The following CDK14 variants were observed in gnomAD, a reference collection of about 807,000 sequenced individuals.
CDK14 encodes the protein cyclin-dependent kinase 14.
Under a neutral mutation model 60.7 loss-of-function variants are expected in CDK14, and 34 were observed. The observed-to-expected ratio is 0.56, with a 90% confidence interval of 0.43 to 0.75. The LOEUF (loss-of-function observed/expected upper bound fraction) is 0.75. Ranked by LOEUF, CDK14 falls within the 30% of genes least tolerant of loss-of-function variation. CDK14 has a pLI of 0.00. For synonymous variants in CDK14, 197 were observed against 203.7 expected (o/e 0.97, Z 0.28); for missense variants, 482 against 564.1 (o/e 0.85, Z 1.47).
At chr7:90,818,447 CA>C (rs1037266610) in intron 5 of CDK14, among the ~76,000 whole-genome samples, 43 of 152,268 alleles carry the variant, frequency 2.8e-4, no homozygotes, top group African/African-American at 1.0e-3. Context: ...TTTTCAAATG[CA>C]TGCTTAAATG....
intron 2 of CDK14, among the ~76,000 whole-genome samples, chr7:90,698,633 C>T (rs1254616730): frequency 6.6e-6 from 1 of 152,144 alleles, no homozygotes; most frequent in Non-Finnish European, 1.5e-5. Flanking sequence ...TGATTGGCAT[C>T]AATTATCTTA....
At chr7:90,937,976 C>CTA (rs1276559620) in intron 8 of CDK14, among the ~76,000 whole-genome samples, 2 of 152,074 alleles carry the variant, frequency 1.3e-5, no homozygotes, top group African/African-American at 4.8e-5. Context: ...CTCTAAAAAC[C>CTA]TACAAAGCGT....
intron 8 of CDK14, among the ~76,000 whole-genome samples, chr7:90,920,583 T>G (rs1793217261): frequency 6.6e-6 from 1 of 152,224 alleles, no homozygotes; most frequent in Non-Finnish European, 1.5e-5. Flanking sequence ...ATTCAGATGC[T>G]TGATTCATAT....
intron 14 of CDK14, among the ~76,000 whole-genome samples, chr7:91,129,053 A>G (rs1800040669): frequency 6.6e-6 from 1 of 152,222 alleles, no homozygotes; most frequent in Non-Finnish European, 1.5e-5. Context: ...TAAAGAAAAG[A>G]AATGATAGTT....
At chr7:90,739,910 G>A (rs1211672904) in intron 3 of CDK14, among the ~76,000 whole-genome samples, 2 of 152,106 alleles carry the variant, frequency 1.3e-5, no homozygotes, top group Non-Finnish European at 2.9e-5. Context: ...TTCACAAGCT[G>A]TTTCCTGGTG....
intron 9 of CDK14, among the ~76,000 whole-genome samples, chr7:90,961,691 T>C (rs1489944327): frequency 1.3e-5 from 2 of 152,242 alleles, no homozygotes; most frequent in East Asian, 3.8e-4. Context: ...CCAAGTGACT[T>C]GTTGGTGTAG....
At chr7:90,693,913 A>G (rs1801604821) in intron 2 of CDK14, among the ~76,000 whole-genome samples, 3 of 152,204 alleles carry the variant, frequency 2.0e-5, no homozygotes, top group African/African-American at 7.2e-5. Flanking sequence ...TTATAGTATA[A>G]AGAGGCTAGT....
At chr7:90,720,438 A>G (rs1802407581) in intron 2 of CDK14, among the ~76,000 whole-genome samples, 1 of 152,198 alleles carries the variant, frequency 6.6e-6, no homozygotes, top group Admixed American at 6.5e-5. Flanking sequence ...TTCACAGCTC[A>G]TGGCCTTTGT....
intron 10 of CDK14, among the ~76,000 whole-genome samples, chr7:91,044,546 A>G (rs772792759): frequency 6.6e-6 from 1 of 152,190 alleles, no homozygotes; most frequent in Non-Finnish European, 1.5e-5. Context: ...GGAGGCAGGT[A>G]TAATGAGGTA....
chr7:91,064,746 C>G (rs1797923771), intron 11 of CDK14, among the ~76,000 whole-genome samples: 1 of 152,186 alleles, frequency 6.6e-6, no homozygotes, highest in African/African-American at 2.4e-5. Context: ...TGGAGCTGCT[C>G]TATCTTCCCC....
intron 12 of CDK14, among the ~76,000 whole-genome samples, chr7:91,091,164 G>A (rs1372558588): frequency 2.0e-5 from 3 of 151,212 alleles, no homozygotes; most frequent in South Asian, 2.1e-4. Context: ...GAGAGGCCAA[G>A]GTGGACAGAT....
At chr7:91,045,277 A>G (rs1440299496) in intron 10 of CDK14, among the ~76,000 whole-genome samples, 1 of 152,210 alleles carries the variant, frequency 6.6e-6, no homozygotes, top group Non-Finnish European at 1.5e-5. Flanking sequence ...CCCCAGATCA[A>G]ACATTGTAGT....
At chr7:91,047,801 A>G (rs1797283437) in intron 11 of CDK14, among the ~76,000 whole-genome samples, 1 of 152,186 alleles carries the variant, frequency 6.6e-6, no homozygotes, top group African/African-American at 2.4e-5. Context: ...AGAGGAGTCA[A>G]GAGGAGACAC....
rs542420559 is a variant in CDK14, at chr7:90,860,188, A to T, written c.545-2987A>T. On this transcript the variant is annotated intron_variant, in intron 5 of 14. Transcript: ENST00000380050. Reference sequence around the variant, plus strand: ...TATTGATTTAATAAAGGTTTCTGTTACTTGATAGGATGGGCTACTTGCATT... The same window carrying T: ...TATTGATTTAATAAAGGTTTCTGTTTCTTGATAGGATGGGCTACTTGCATT... 4.7e-4 allele frequency among the ~76,000 whole-genome samples: 71 copies of T among 151,938 alleles called. 1 individual carries two copies. Among genetic ancestry groups the T allele is most frequent in the African/African-American group, 1.7e-3 (69 of 41,478 alleles).
chr7:90,799,209 A>G (rs1788541869), intron 5 of CDK14, among the ~76,000 whole-genome samples: 1 of 152,200 alleles, frequency 6.6e-6, no homozygotes, highest in African/African-American at 2.4e-5. Context: ...ACAAATTTAA[A>G]TTAAAATGGT....
intron 14 of CDK14, among the ~76,000 whole-genome samples, chr7:91,136,044 T>A (rs1438396011): frequency 2.6e-5 from 4 of 151,886 alleles, no homozygotes; most frequent in Non-Finnish European, 5.9e-5. Flanking sequence ...TAAAAACTAA[T>A]TTTTATTGGC....
chr7:90,736,183 CG>C (rs1803095641), intron 3 of CDK14, among the ~76,000 whole-genome samples: 2 of 151,924 alleles, frequency 1.3e-5, no homozygotes, highest in Non-Finnish European at 2.9e-5. Context: ...TGAGATGAAC[CG>C]GGTACCTCAG....
chr7:90,878,281 C>T (rs1362544700), intron 6 of CDK14, among the ~76,000 whole-genome samples: 2 of 152,116 alleles, frequency 1.3e-5, no homozygotes, highest in East Asian at 3.8e-4. Context: ...CCAGCATCTG[C>T]TTCAGCACAG....
intron 6 of CDK14, among the ~76,000 whole-genome samples, chr7:90,896,958 T>G (rs1290896448): frequency 2.0e-5 from 3 of 152,120 alleles, no homozygotes; most frequent in African/African-American, 7.2e-5. Flanking sequence ...GTAGCATGAG[T>G]TTATTGGGCA....
Sources: gnomAD v4.1 joint callset for allele counts (sites outside exome capture counted in the v4.1 genomes callset) on GRCh38, gnomAD v4.1.1 for gene constraint, MANE v1.5 for transcripts, NCBI Gene and HGNC (gene_info 2026-07-23, HGNC 2026-07-21) for gene names.